The following TSHZ3 variants were observed in gnomAD, a reference collection of about 807,000 sequenced individuals.
The protein encoded by TSHZ3 is teashirt homolog 3.
In TSHZ3, 10 loss-of-function variants were observed where a neutral mutation model predicts 64.5. The ratio of observed to expected loss-of-function variants is 0.16; its 90% confidence interval spans 0.10 to 0.26. TSHZ3 has a LOEUF of 0.26. TSHZ3 is among the 10% of genes least tolerant of loss of function. The probability of loss-of-function intolerance (pLI) is 1.00; values close to 1 mark genes in which losing one functional copy is unlikely to be tolerated. For synonymous variants in TSHZ3, 608 were observed against 593.1 expected (o/e 1.03, Z -0.36); for missense variants, 1,242 against 1,421.7 (o/e 0.87, Z 2.03).
At chr19:31,241,295 T>G (rs1188386369) in intron 3 of TSHZ3, among the ~76,000 whole-genome samples, 2 of 152,214 alleles carry the variant, frequency 1.3e-5, no homozygotes, top group East Asian at 3.8e-4. Context: ...AAACTCTTGT[T>G]GGGGCTTCAA....
At chr19:31,256,258 T>C (rs1471391814) in intron 1 of TSHZ3, among the ~76,000 whole-genome samples, 1 of 152,118 alleles carries the variant, frequency 6.6e-6, no homozygotes, top group African/African-American at 2.4e-5. Flanking sequence ...GCTTTTAGTC[T>C]TCCCTGTCTA....
At position 31,275,039 on chromosome 19, in the gene TSHZ3, A is replaced by G. The variant is rs1976203552; in HGVS notation, c.*1508T>C. ...TTCATTGTCAACAACCAAACAGGGCACAGAGTGTGTTACGGTGTCTGTGCT... is the reference window on the plus strand; with the variant it reads ...TTCATTGTCAACAACCAAACAGGGCGCAGAGTGTGTTACGGTGTCTGTGCT... On this transcript the variant is annotated 3_prime_UTR_variant, in exon 2 of 2. Transcript: ENST00000240587. The G allele has an allele frequency of 6.6e-6, 1 of 152,584 alleles. No homozygotes were observed. Among genetic ancestry groups the G allele is most frequent in the Non-Finnish European group, 1.5e-5 (1 of 68,032 alleles). 9.5% of individuals were successfully genotyped at this position (152,584 alleles called of 1,614,324 possible).
intron 5 of TSHZ3, among the ~76,000 whole-genome samples, chr19:31,184,224 T>C (rs1407956984): frequency 6.6e-6 from 1 of 152,224 alleles, no homozygotes; most frequent in Non-Finnish European, 1.5e-5. Context: ...TTAAGATAAT[T>C]GTAGGAAAAA....
At chr19:31,271,055 C>T (rs1038009209), downstream of TSHZ3, among the ~76,000 whole-genome samples, 7 of 152,288 alleles carry the variant, frequency 4.6e-5, no homozygotes, top group African/African-American at 1.7e-4. Context: ...ATCTAAGTTA[C>T]CCCTGGTGTC....
Position 31,185,862 on chromosome 19 carries a change from G to A in TSHZ3, n.809+19094C>T, listed in dbSNP as rs541553884. ...ACCCATCCAAGCAATCACTGTTCTG[G>A]TTTCCATTTCTAACTATAAATTAGA... On this transcript the variant is annotated intron_variant and non_coding_transcript_variant, in intron 5 of 6. Coordinates refer to the TSHZ3 transcript ENST00000651361. Among the ~76,000 whole-genome samples the A allele has an allele frequency of 5.8e-4, 88 of 152,164 alleles. No individual in the cohort carries two copies. The South Asian group carries it at 0.017, about 29-fold the overall frequency.
intron 1 of TSHZ3, chr19:31,308,673 C>G (rs982560435): frequency 5.0e-6 from 2 of 398,562 alleles, no homozygotes; most frequent in South Asian, 2.5e-4. Flanking sequence ...CTCCACCCAC[C>G]ACGTGCTGAG....
intron 3 of TSHZ3, among the ~76,000 whole-genome samples, chr19:31,237,514 C>T (rs1464430771): frequency 6.6e-6 from 1 of 151,812 alleles, no homozygotes; most frequent in Admixed American, 6.6e-5. Flanking sequence ...ATTTGTCTTC[C>T]TAGAGATTTA....
chr19:31,228,814 T>C (rs754506256), intron 3 of TSHZ3, among the ~76,000 whole-genome samples: 1 of 152,132 alleles, frequency 6.6e-6, no homozygotes. Flanking sequence ...TGCAGGGTCA[T>C]TTGTAGACCC....
chr19:31,350,680 C>CTGGGCGGCG (rs891366360), upstream of TSHZ3, among the ~76,000 whole-genome samples: 1 of 151,522 alleles, frequency 6.6e-6, no homozygotes, highest in African/African-American at 2.4e-5. Context: ...AAGGAGCTGG[C>CTGGGCGGCG]TGGGCGGCGT....
upstream of TSHZ3, among the ~76,000 whole-genome samples, chr19:31,350,022 C>G (rs891278685): frequency 1.5e-4 from 22 of 148,084 alleles, no homozygotes; most frequent in Non-Finnish European, 2.9e-4. Flanking sequence ...CCGCCGAGCC[C>G]GTCCCGGGGC....
intron 1 of TSHZ3, among the ~76,000 whole-genome samples, chr19:31,310,459 A>G (rs1916426566): frequency 6.6e-6 from 1 of 152,110 alleles, no homozygotes; most frequent in Non-Finnish European, 1.5e-5. Context: ...TGCTGCATGG[A>G]TGAATGGATG....
intron 1 of TSHZ3, among the ~76,000 whole-genome samples, chr19:31,246,051 T>C (rs1975754017): frequency 6.6e-6 from 1 of 152,216 alleles, no homozygotes; most frequent in African/African-American, 2.4e-5. Flanking sequence ...ACTTCTCTTA[T>C]TGTTCAGCAT....
chr19:31,155,368 A>G (rs1349610284), intron 6 of TSHZ3, among the ~76,000 whole-genome samples: 93 of 152,328 alleles, frequency 6.1e-4, no homozygotes, highest in Non-Finnish European at 4.4e-5. Context: ...AGCATTTTTG[A>G]AACAAAGGCA....
intron 1 of TSHZ3, among the ~76,000 whole-genome samples, chr19:31,300,189 G>A (rs530607832): frequency 6.6e-6 from 1 of 152,198 alleles, no homozygotes; most frequent in South Asian, 2.1e-4. Flanking sequence ...ATAAATGTGG[G>A]CTTTTCAGAG....
chr19:31,176,398 G>A (rs1434665358), intron 5 of TSHZ3, among the ~76,000 whole-genome samples: 1 of 152,166 alleles, frequency 6.6e-6, no homozygotes, highest in African/African-American at 2.4e-5. Flanking sequence ...AAAGAAAAAT[G>A]GAGAAAGATA....
chr19:31,161,297 G>A (rs549294634), intron 5 of TSHZ3, among the ~76,000 whole-genome samples: 11 of 152,274 alleles, frequency 7.2e-5, no homozygotes, highest in African/African-American at 2.2e-4. Flanking sequence ...GTATTAAGGA[G>A]CACACACAAC....
In TSHZ3 at chr19:31,279,336, T is replaced by C. The variant is rs1339954882; in HGVS notation, c.457A>G (p.Ser153Gly). Residue 153 changes from serine to glycine, a missense_variant, in exon 2 of 2, where the codon AGC becomes GGC. This residue lies in a region of TSHZ3 where 555 missense variants were observed against 704.0 expected (regional missense o/e 0.79). Transcript: ENST00000240587. This position sits in a 1 kb window ranked among gnomAD's most constrained non-coding sequence, Gnocchi z 6.4. ...SEKNNGSSSS[S>G]SSSSSSCGSG... ...CCACAGCTGCTGCTGCTGCTACTGC[T>C]GCTGCTGCTGCTGCCGTTGTTCTTC... The C allele has an allele frequency of 1.9e-6, 3 of 1,613,606 alleles. No individual in the cohort carries two copies. Among genetic ancestry groups the C allele is most frequent in the Non-Finnish European group, 2.5e-6 (3 of 1,179,850 alleles).
At chr19:31,309,494 CAT>C (rs1361643758) in intron 1 of TSHZ3, among the ~76,000 whole-genome samples, 6 of 152,164 alleles carry the variant, frequency 3.9e-5, no homozygotes, top group Non-Finnish European at 8.8e-5. Context: ...CTCAGTATAA[CAT>C]ATGACACTCA....
intron 1 of TSHZ3, among the ~76,000 whole-genome samples, chr19:31,339,922 G>T (rs1917380746): frequency 6.7e-6 from 1 of 149,634 alleles, no homozygotes; most frequent in Non-Finnish European, 1.5e-5. Context: ...AAAAAAGAAA[G>T]AAAAGAAATC....
Sources: allele counts gnomAD v4.1 joint callset (sites outside exome capture counted in the v4.1 genomes callset), GRCh38; gene constraint gnomAD v4.1.1; regional missense constraint gnomAD v4.1.1; non-coding constraint Gnocchi (gnomAD v3.1); transcripts MANE v1.5; gene names NCBI Gene and HGNC (gene_info 2026-07-23, HGNC 2026-07-21).